Variants in FCHSD1 observed in about 807,000 individuals in gnomAD.
FCHSD1 encodes FCH and double SH3 domains 1.
In FCHSD1, 109 loss-of-function variants were observed where a neutral mutation model predicts 101.3. The ratio of observed to expected loss-of-function variants is 1.08; its 90% confidence interval spans 0.92 to 1.26. The LOEUF is 1.26. Among genes scored for constraint, FCHSD1 ranks in the 50% most tolerant of loss-of-function variants. FCHSD1 has a pLI of 0.00. For synonymous variants in FCHSD1, 291 were observed against 356.8 expected (o/e 0.82, Z 2.08); for missense variants, 820 against 895.8 (o/e 0.92, Z 1.08).
At position 141,648,998 on chromosome 5, in the gene FCHSD1, TC is replaced by T; in HGVS notation, c.534del (p.Ile179SerfsTer11). On this transcript the variant is annotated frameshift_variant, in exon 7 of 20. Coordinates refer to ENST00000435817, the MANE Select transcript of FCHSD1 (RefSeq NM_033449.3). LOFTEE classifies it high-confidence loss of function. ...VQARLNRSDH[G>X]IFHSRTSLQK... ...TGGAGACTGGTCCGAGAGTGGAAGA[TC>T]CCATGGTCACTTCGGTTTAGCCTGT... is the stretch of plus-strand genomic sequence containing the variant. The T allele has an allele frequency of 6.2e-7, 1 of 1,613,898 alleles. No individual in the cohort carries two copies.
Position 141,640,165 on chromosome 5 carries a change from G to T in FCHSD1, c.*1333C>A. On this transcript the variant is annotated 3_prime_UTR_variant, in exon 20 of 20. Coordinates refer to ENST00000435817, the MANE Select transcript of FCHSD1 (RefSeq NM_033449.3). Reference sequence around the variant, plus strand: ...CTCAGGGACAGCAGCCTAACCCCTCGTGCACTTGAAGGGAACCCCAGAGCT... The same window carrying T: ...CTCAGGGACAGCAGCCTAACCCCTCTTGCACTTGAAGGGAACCCCAGAGCT... 1 of 1,614,124 alleles carries T rather than the reference G, an allele frequency of 6.2e-7. No homozygotes were observed. The highest frequency in any genetic ancestry group is 8.5e-7 in the Non-Finnish European group (1 of 1,179,988).
chr5:141,642,690 GC>G, intron 18 of FCHSD1: 1 of 546,778 alleles, frequency 1.8e-6, no homozygotes, highest in Non-Finnish European at 3.2e-6. Context: ...CTTACTGTGT[GC>G]CAGGCACAAT....
Position 141,649,890 on chromosome 5 carries a change from C to G in FCHSD1, c.230G>C (p.Ser77Thr). 6.5e-7 allele frequency: 1 copy of G among 1,549,432 alleles called. No homozygotes were observed. The highest frequency in any genetic ancestry group is 8.7e-7 in the Non-Finnish European group (1 of 1,146,986). ...CCTCCCCCTCCATAGGGCCCACCTG[C>G]TGTCCATCTCACCGCTCCGGTGCCC... The part of the protein sequence containing the change: ...REGHRSGEMD[S>T]RGRTVFGAWR... The change falls in exon 4 of 20, where the codon AGC becomes ACC. Residue 77 changes from serine to threonine, a missense_variant. Coordinates refer to ENST00000435817, the MANE Select transcript of FCHSD1 (RefSeq NM_033449.3). This position sits in a 1 kb window ranked among gnomAD's most constrained non-coding sequence, Gnocchi z 4.1.
Position 141,641,414 on chromosome 5 carries a change from G to A in FCHSD1, c.*84C>T. On this transcript the variant is annotated 3_prime_UTR_variant, in exon 20 of 20. Coordinates refer to ENST00000435817, the MANE Select transcript of FCHSD1 (RefSeq NM_033449.3). Reference sequence around the variant, plus strand: ...AAGGGCGATTCCAGCTTTTGGCTGTGTTGCTCTGGATCATTGATGGTGTGG... The same window carrying A: ...AAGGGCGATTCCAGCTTTTGGCTGTATTGCTCTGGATCATTGATGGTGTGG... 1.6e-6 allele frequency: 2 copies of A among 1,252,048 alleles called. No individual in the cohort carries two copies. Among genetic ancestry groups the A allele is most frequent in the Non-Finnish European group, 2.1e-6 (2 of 943,534 alleles). The allele number at this position is 1,252,048 out of a possible 1,614,324, so 77.6% of individuals were successfully genotyped here. A position where few individuals can be genotyped will look rare whatever the true frequency, so the allele number is the denominator to read the frequency against.
rs1249413414 is a variant in FCHSD1, at chr5:141,648,007, G to A, written c.666C>T (p.Leu222=). ...LLNLVATNAH[L]DHYYQEELPA... is the part of the protein sequence containing the mutation. ...GCAGTTCCTCCTGGTAGTAATGGTC[G>A]AGGTGGGCATTGGTAGCCACCAAGT... Residue 222 remains leucine, a synonymous_variant, in exon 8 of 20, where the codon CTC becomes CTT. Coordinates refer to ENST00000435817, the MANE Select transcript of FCHSD1 (RefSeq NM_033449.3). The A allele has an allele frequency of 1.1e-5, 17 of 1,613,206 alleles. No homozygotes were observed. Among genetic ancestry groups the A allele is most frequent in the African/African-American group, 8.0e-5 (6 of 74,898 alleles).
chr5:141,647,656 C>T (rs1261123261), intron 8 of FCHSD1, 136 bp from the exon 9 acceptor site: 2 of 1,387,532 alleles, frequency 1.4e-6, no homozygotes, highest in East Asian at 2.4e-5. Flanking sequence ...GAGAAAGGCC[C>T]TCGTGTGCAG....
Position 141,648,985 on chromosome 5 carries a change from C to G in FCHSD1, c.548G>C (p.Arg183Pro). The part of the protein sequence containing the change: ...NRSDHGIFHS[R>P]TSLQKLSTKL... ...GGTGCTCAGTTTCTGGAGACTGGTC[C>G]GAGAGTGGAAGATCCCATGGTCACT... Residue 183 changes from arginine to proline, a missense_variant, in exon 7 of 20, where the codon CGG becomes CCG. Arg to Pro is a moderately radical substitution (Grantham distance 103). Transcript: ENST00000435817. The G allele has an allele frequency of 6.2e-7, 1 of 1,613,892 alleles. No homozygotes were observed. Among genetic ancestry groups the G allele is most frequent in the Non-Finnish European group, 8.5e-7 (1 of 1,179,868 alleles).
intron 13 of FCHSD1, 71 bp downstream of exon 13, chr5:141,645,700 T>C: frequency 6.7e-7 from 1 of 1,499,904 alleles, no homozygotes; most frequent in African/African-American, 1.4e-5. Context: ...ATTCCAGTTT[T>C]ATAGGGTTTG....
At chr5:141,642,184 A>G (rs942470161) in intron 18 of FCHSD1, 1 of 534,720 alleles carries the variant, frequency 1.9e-6, no homozygotes, top group Non-Finnish European at 3.3e-6. Flanking sequence ...AAAGAATGAA[A>G]TCATGTCCTC....
At chr5:141,651,215 C>G in intron 1 of FCHSD1, 98 bp from the exon 2 acceptor site, 1 of 1,503,006 alleles carries the variant, frequency 6.7e-7, no homozygotes, top group Non-Finnish European at 9.1e-7. Context: ...GGGTGCTGAG[C>G]TCTTTCCTCT....
chr5:141,641,094 T>C lies in FCHSD1; in HGVS notation c.*404A>G. ...TGCTTCGCATCCTGGCTCCAGCTCC[T>C]GATTCCCAAGGCCTGTTCCTCTCCC... On this transcript the variant is annotated 3_prime_UTR_variant, in exon 20 of 20. Coordinates refer to ENST00000435817, the MANE Select transcript of FCHSD1 (RefSeq NM_033449.3). 1 of 301,026 alleles carries C rather than the reference T, an allele frequency of 3.3e-6. No individual in the cohort carries two copies. The highest frequency in any genetic ancestry group is 6.1e-6 in the Non-Finnish European group (1 of 163,044). The allele number at this position is 301,026 out of a possible 1,614,324, so 18.6% of individuals were successfully genotyped here. A position where few individuals can be genotyped will look rare whatever the true frequency, so the allele number is the denominator to read the frequency against.
rs1562380253 is a variant in FCHSD1 at position 141,639,875 on chromosome 5, CCT to C, written c.*1621_*1622del. On this transcript the variant is annotated 3_prime_UTR_variant, in exon 20 of 20. Transcript: ENST00000435817. The surrounding 1 kb of genome is among the most constrained non-coding windows in gnomAD (Gnocchi z 4.4). ...CTGGTCAGAGGGGAGGGCCAAGCAG[CCT>C]CTGAGTTGTGGTCCTAAACCCCAGT... is the stretch of plus-strand genomic sequence containing the variant. 1 of 1,601,242 alleles carries C rather than the reference CCT, an allele frequency of 6.2e-7. No individual in the cohort carries two copies. The highest frequency in any genetic ancestry group is 8.5e-7 in the Non-Finnish European group (1 of 1,169,848).
chr5:141,642,339 A>C, intron 18 of FCHSD1: 2 of 657,400 alleles, frequency 3.0e-6, no homozygotes, highest in Middle Eastern at 3.9e-4. Flanking sequence ...ACAGACTCCC[A>C]GGACTCCAAA....
At chr5:141,650,265 C>T (rs533819773) in intron 3 of FCHSD1, 94 bp downstream of exon 3, 29 of 1,533,576 alleles carry the variant, frequency 1.9e-5, no homozygotes, top group Middle Eastern at 1.7e-4. Flanking sequence ...TAGGCATCTG[C>T]TCTTGACCAC....
rs746969998 is a variant in FCHSD1, at chr5:141,647,363, TCCC to T, written c.828+32_828+34del. The T allele has an allele frequency of 2.5e-5, 39 of 1,574,816 alleles. No individual in the cohort carries two copies. In the African/African-American group the frequency reaches 5.2e-4, roughly 21 times the overall value. ...CATTGGGAGGGAAGGGTAAAAAGGA[TCCC>T]CGGGGAAGCTCTTAGAGGCCACAGC... is the stretch of plus-strand genomic sequence containing the variant. On this transcript the variant is annotated intron_variant, in intron 9 of 19. Coordinates refer to ENST00000435817, the MANE Select transcript of FCHSD1 (RefSeq NM_033449.3).
Position 141,650,422 on chromosome 5 carries a change from CG to C in FCHSD1, c.120-19del, listed in dbSNP as rs902580745. 6.2e-7 allele frequency: 1 copy of C among 1,613,590 alleles called. No homozygotes were observed. The highest frequency in any genetic ancestry group is 8.5e-7 in the Non-Finnish European group (1 of 1,179,820). On this transcript the variant is annotated intron_variant, in intron 2 of 19. Coordinates refer to ENST00000435817, the MANE Select transcript of FCHSD1 (RefSeq NM_033449.3). ...TGTAGGATCTGCGGAGATTGCAGGT[CG>C]GGGGTGAGGTGGGGGATAAGGTTAT...
rs78820103 is a variant in FCHSD1, at chr5:141,639,707, C to A, written c.*1791G>T. On this transcript the variant is annotated 3_prime_UTR_variant, in exon 20 of 20. Transcript: ENST00000435817. This position sits in a 1 kb window ranked among gnomAD's most constrained non-coding sequence, Gnocchi z 4.4. Reference sequence around the variant, plus strand: ...AGGTAGGGGGCCCAGTGATCAGGCACCTGATCCCAAAAGTGGGCCTTGGCT... The same window carrying A: ...AGGTAGGGGGCCCAGTGATCAGGCAACTGATCCCAAAAGTGGGCCTTGGCT... The A allele has an allele frequency of 2.7e-6, 4 of 1,506,892 alleles. No homozygotes were observed. In the Admixed American group the frequency reaches 8.0e-5, roughly 30 times the overall value. The allele number at this position is 1,506,892 out of a possible 1,614,324, so 93.3% of individuals were successfully genotyped here.
At chr5:141,647,789 G>T (rs561748645) in intron 8 of FCHSD1, 179 bp downstream of exon 8, 2 of 1,029,566 alleles carry the variant, frequency 1.9e-6, no homozygotes, top group South Asian at 1.7e-5. Context: ...GAGTTTAAGT[G>T]TACTGTACAA....
At position 141,644,630 on chromosome 5, in the gene FCHSD1, G is replaced by A; in HGVS notation, c.1585C>T (p.Leu529Phe). 1 of 1,613,974 alleles carries A rather than the reference G, an allele frequency of 6.2e-7. No individual in the cohort carries two copies. The highest frequency in any genetic ancestry group is 8.5e-7 in the Non-Finnish European group (1 of 1,179,870). The change falls in exon 16 of 20, where the codon CTC becomes TTC. Residue 529 changes from leucine (L) to phenylalanine (F), a missense_variant. By Grantham distance (22) the Leu-to-Phe change is conservative. Coordinates refer to ENST00000435817, the MANE Select transcript of FCHSD1 (RefSeq NM_033449.3). ...VPERYLNFPD[L>F]SLPESSQDSD... ...TCTTGGCTGCTCTCTGGGAGGGAGAGGTCCGGGAAGTTGAGATATCGCTCA... is the reference window on the plus strand; with the variant it reads ...TCTTGGCTGCTCTCTGGGAGGGAGAAGTCCGGGAAGTTGAGATATCGCTCA...
Sources: gnomAD v4.1 joint callset for allele counts on GRCh38, gnomAD v4.1.1 for gene constraint, Gnocchi (gnomAD v3.1) non-coding constraint, MANE v1.5 for transcripts, NCBI Gene and HGNC (gene_info 2026-07-23, HGNC 2026-07-21) for gene names.